LUZP2: variants seen among roughly 807,000 people sequenced by gnomAD.
LUZP2 encodes the protein leucine zipper protein 2.
A neutral mutation model predicts 51.6 loss-of-function variants in LUZP2; 52 were observed. That is an observed-to-expected ratio of 1.01 (90% confidence interval 0.81 to 1.27). LUZP2 has a LOEUF of 1.27. Ranked by LOEUF, LUZP2 falls within the 50% of genes most tolerant of loss-of-function variation. The probability of loss-of-function intolerance (pLI) is 0.00; values close to 1 mark genes in which losing one functional copy is unlikely to be tolerated. For missense variants in LUZP2, 436 were observed against 395.4 expected, an observed-to-expected ratio of 1.10 and a Z score of -0.87; for synonymous variants, 154 against 137.3, an observed-to-expected ratio of 1.12 and a Z score of -0.85.
intron 5 of LUZP2, among the ~76,000 whole-genome samples, chr11:24,861,754 A>G (rs2134246379): frequency 6.6e-6 from 1 of 152,312 alleles, no homozygotes; most frequent in Admixed American, 6.5e-5. Context: ...GCAGGTAATT[A>G]ACATTATTGT....
chr11:24,747,870 C>T (rs928095989), intron 4 of LUZP2, among the ~76,000 whole-genome samples: 1 of 152,070 alleles, frequency 6.6e-6, no homozygotes, highest in African/African-American at 2.4e-5. Context: ...CGCCCAGCTT[C>T]CACGCAATCT....
intron 1 of LUZP2, among the ~76,000 whole-genome samples, chr11:24,676,849 T>C (rs1309661862): frequency 6.6e-6 from 1 of 152,020 alleles, no homozygotes; most frequent in Non-Finnish European, 1.5e-5. Flanking sequence ...ATATTTTTAG[T>C]AGAGACGGGG....
chr11:25,031,107 A>T (rs1251816506), intron 9 of LUZP2, among the ~76,000 whole-genome samples: 1 of 141,662 alleles, frequency 7.1e-6, no homozygotes, highest in East Asian at 2.2e-4. Context: ...CACCTCCCGA[A>T]TTCAAGCGAT....
intron 7 of LUZP2, among the ~76,000 whole-genome samples, chr11:24,933,766 A>C (rs1854520540): frequency 6.6e-6 from 1 of 152,186 alleles, no homozygotes; most frequent in African/African-American, 2.4e-5. Context: ...TGAGCAATAA[A>C]TCTTTTTAAT....
chr11:24,635,039 G>A (rs960801783), intron 1 of LUZP2, among the ~76,000 whole-genome samples: 1 of 152,030 alleles, frequency 6.6e-6, no homozygotes, highest in East Asian at 1.9e-4. Flanking sequence ...TTACCAGGAA[G>A]CGTGGGATGG....
At chr11:24,603,483 C>T (rs775453681) in intron 1 of LUZP2, among the ~76,000 whole-genome samples, 76 of 151,680 alleles carry the variant, frequency 5.0e-4, no homozygotes, top group Non-Finnish European at 1.0e-4. Context: ...GAAATGACAA[C>T]AGTAAATTCA....
rs747966500 is a variant in LUZP2 at position 24,798,210 on chromosome 11, TTA to T, written c.396+34904_396+34905del. Among the ~76,000 whole-genome samples, 154 of 85,808 alleles carry T rather than the reference TTA, an allele frequency of 1.8e-3. 2 individuals are homozygous for T. Among genetic ancestry groups the T allele is most frequent in the Non-Finnish European group, 2.5e-3 (80 of 32,354 alleles). 56.3% of individuals were successfully genotyped at this position (85,808 alleles called of 152,430 possible). A position where few individuals can be genotyped will look rare whatever the true frequency, so the allele number is the denominator to read the frequency against. Reference sequence around the variant, plus strand: ...AGGGGCATCTTATATTTCTTTTTTTTTATTATTTATGTATTTATCTATTGGAA... The same window carrying T: ...AGGGGCATCTTATATTTCTTTTTTTTTTATTTATGTATTTATCTATTGGAA... On this transcript the variant is annotated intron_variant, in intron 5 of 11. Coordinates refer to ENST00000336930, the MANE Select transcript of LUZP2 (RefSeq NM_001009909.4).
chr11:24,513,765 G>T (rs1300301053), intron 1 of LUZP2, among the ~76,000 whole-genome samples: 2 of 152,170 alleles, frequency 1.3e-5, no homozygotes, highest in African/African-American at 2.4e-5. Flanking sequence ...CTAAATGCTG[G>T]TAGAAATGAA....
At position 24,935,818 on chromosome 11, in the gene LUZP2, A is replaced by G. The variant is rs1424013208; in HGVS notation, c.522+21280A>G. ...TGGTAAAATTTGGAAAGAATGGTAAAATGGTTACCAAGTTATAAAATTTTA... is the reference window on the plus strand; with the variant it reads ...TGGTAAAATTTGGAAAGAATGGTAAGATGGTTACCAAGTTATAAAATTTTA... On this transcript the variant is annotated intron_variant, in intron 7 of 11. Coordinates refer to ENST00000336930, the MANE Select transcript of LUZP2 (RefSeq NM_001009909.4). 2.0e-5 allele frequency among the ~76,000 whole-genome samples: 3 copies of G among 152,262 alleles called. No individual in the cohort carries two copies. The South Asian group carries it at 6.2e-4, about 32-fold the overall frequency.
intron 7 of LUZP2, among the ~76,000 whole-genome samples, chr11:24,947,441 A>G (rs1345871689): frequency 3.3e-5 from 5 of 151,874 alleles, no homozygotes; most frequent in Non-Finnish European, 7.4e-5. Flanking sequence ...AAAAATATCC[A>G]CATAGAAGTG....
chr11:24,687,710 A>G (rs964737240), intron 1 of LUZP2, among the ~76,000 whole-genome samples: 2 of 152,144 alleles, frequency 1.3e-5, no homozygotes, highest in Admixed American at 6.6e-5. Flanking sequence ...TCCTGGCATC[A>G]TTGACTTCCT....
intron 1 of LUZP2, among the ~76,000 whole-genome samples, chr11:24,512,327 T>G (rs1306208394): frequency 7.6e-6 from 1 of 132,006 alleles, no homozygotes; most frequent in Admixed American, 7.6e-5. Context: ...TAATATCTAC[T>G]CCAAACCTTC....
At chr11:24,670,664 A>G (rs747074198) in intron 1 of LUZP2, among the ~76,000 whole-genome samples, 2 of 151,966 alleles carry the variant, frequency 1.3e-5, no homozygotes, top group Non-Finnish European at 2.9e-5. Context: ...TTTGACTTCC[A>G]GAGTTTTTAA....
chr11:24,516,192 CACTT>C (rs1564963444), intron 1 of LUZP2, among the ~76,000 whole-genome samples: 1 of 152,082 alleles, frequency 6.6e-6, no homozygotes, highest in Non-Finnish European at 1.5e-5. Flanking sequence ...AAAGACCTGA[CACTT>C]ACACTTGATT....
chr11:24,578,337 T>C (rs1018887388), intron 1 of LUZP2, among the ~76,000 whole-genome samples: 7 of 152,072 alleles, frequency 4.6e-5, no homozygotes, highest in Non-Finnish European at 8.8e-5. Context: ...TTTGTTTTCA[T>C]AATTTGCCAC....
chr11:24,628,214 C>T (rs1174829916), intron 1 of LUZP2, among the ~76,000 whole-genome samples: 1 of 49,906 alleles, frequency 2.0e-5, no homozygotes, highest in African/African-American at 7.7e-5. Context: ...CCCATGCATA[C>T]ACACACACAC....
chr11:25,077,498 T>TA lies in LUZP2; in HGVS notation c.936+92_936+93insA, dbSNP rs200483832. On this transcript the variant is annotated intron_variant, in intron 11 of 11. Transcript: ENST00000336930. ...ATTTTTATTTATATTATTTTTTATTTTTTATTTATTTATTTTTTTGAGACA... is the reference window on the plus strand; with the variant it reads ...ATTTTTATTTATATTATTTTTTATTTATTTATTTATTTATTTTTTTGAGACA... 4.0e-3 allele frequency: 1,915 copies of TA among 477,022 alleles called. 36 individuals carry two copies. The highest frequency in any genetic ancestry group is 0.037 in the African/African-American group (1,773 of 48,188). The allele number at this position is 477,022 out of a possible 1,614,324, so 29.5% of individuals were successfully genotyped here. A position where few individuals can be genotyped will look rare whatever the true frequency, so the allele number is the denominator to read the frequency against.
chr11:24,576,465 T>C (rs1852653549), intron 1 of LUZP2, among the ~76,000 whole-genome samples: 1 of 151,110 alleles, frequency 6.6e-6, no homozygotes, highest in Admixed American at 6.6e-5. Context: ...AAGCCATATT[T>C]GACACAGGTC....
intron 9 of LUZP2, among the ~76,000 whole-genome samples, chr11:25,042,930 G>A (rs1292403486): frequency 6.6e-6 from 1 of 152,170 alleles, no homozygotes; most frequent in Non-Finnish European, 1.5e-5. Flanking sequence ...CCACGGTATA[G>A]GGCCTTTGTG....
Sources: allele counts gnomAD v4.1 joint callset (sites outside exome capture counted in the v4.1 genomes callset), GRCh38; gene constraint gnomAD v4.1.1; transcripts MANE v1.5; gene names NCBI Gene and HGNC (gene_info 2026-07-23, HGNC 2026-07-21).